The following AGAP1 variants were observed in gnomAD, a reference collection of about 807,000 sequenced individuals.
AGAP1 encodes the protein arf-GAP with GTPase, ANK repeat and PH domain-containing protein 1.
Under a neutral mutation model 105.3 loss-of-function variants are expected in AGAP1, and 29 were observed. The ratio of observed to expected loss-of-function variants is 0.28; its 90% confidence interval spans 0.21 to 0.38. The LOEUF (loss-of-function observed/expected upper bound fraction) is 0.38, where lower values mean the gene tolerates loss of function less well. Among genes scored for constraint, AGAP1 ranks in the 10% least tolerant of loss-of-function variants. The pLI, the probability that AGAP1 is intolerant of heterozygous loss-of-function variation, is 1.00. For synonymous variants in AGAP1, 509 were observed against 485.9 expected (o/e 1.05, Z -0.63); for missense variants, 998 against 1,165.1 (o/e 0.86, Z 2.09).
In AGAP1 at chr2:235,614,301, A is replaced by G. The variant is rs548776594; in HGVS notation, c.164-94878A>G. 2.6e-5 allele frequency among the ~76,000 whole-genome samples: 4 copies of G among 152,100 alleles called. No individual in the cohort carries two copies. The highest frequency in any genetic ancestry group is 1.3e-4 in the Admixed American group (2 of 15,272). ...AGGTGGCTGGTGCTGGAGCGTGTAT[A>G]ACAAAAGTGGGATCCGGAAAGGGCT... is the stretch of plus-strand genomic sequence containing the variant. On this transcript the variant is annotated intron_variant, in intron 1 of 17. Transcript: ENST00000304032. This position sits in a 1 kb window ranked among gnomAD's most constrained non-coding sequence, Gnocchi z 4.7.
chr2:235,702,114 T>C (rs916573889), intron 1 of AGAP1, among the ~76,000 whole-genome samples: 14 of 152,156 alleles, frequency 9.2e-5, no homozygotes, highest in African/African-American at 3.1e-4. Context: ...GGAATGCGTA[T>C]TTGTGGTTCC....
At position 235,553,168 on chromosome 2, in the gene AGAP1, A is replaced by G. The variant is rs1217458926; in HGVS notation, c.163+58319A>G. ...GGTTGGTGGGAGAAACAGCAGGTAT[A>G]TTTGAAAACCAAGAAGATGGTGAAC... is the stretch of plus-strand genomic sequence containing the variant. On this transcript the variant is annotated intron_variant, in intron 1 of 17. Transcript: ENST00000304032. The surrounding 1 kb of genome is among the most constrained non-coding windows in gnomAD (Gnocchi z 4.5). Among the ~76,000 whole-genome samples, 2 of 152,188 alleles carry G rather than the reference A, an allele frequency of 1.3e-5. No homozygotes were observed. Among genetic ancestry groups the G allele is most frequent in the East Asian group, 3.9e-4 (2 of 5,188 alleles).
chr2:235,688,430 C>T (rs1949573265), intron 1 of AGAP1, among the ~76,000 whole-genome samples: 1 of 152,166 alleles, frequency 6.6e-6, no homozygotes, highest in Non-Finnish European at 1.5e-5. Context: ...GTCCCCTCCA[C>T]TCACTCACCT....
chr2:235,695,018 G>T (rs988414338), intron 1 of AGAP1, among the ~76,000 whole-genome samples: 4 of 152,218 alleles, frequency 2.6e-5, no homozygotes, highest in African/African-American at 7.2e-5. Flanking sequence ...AAAAATTCTT[G>T]TGTCTATTTT....
At chr2:235,630,293 A>C (rs1423556569) in intron 1 of AGAP1, among the ~76,000 whole-genome samples, 1 of 152,032 alleles carries the variant, frequency 6.6e-6, no homozygotes, top group Non-Finnish European at 1.5e-5. Flanking sequence ...AGCTCACTGC[A>C]ACCTCTGCTT....
chr2:235,972,003 T>C (rs927630273), intron 13 of AGAP1, among the ~76,000 whole-genome samples: 2 of 152,092 alleles, frequency 1.3e-5, no homozygotes, highest in African/African-American at 4.8e-5. Flanking sequence ...GGTCTTGAAC[T>C]CCTGGGCTCA....
rs1161347228 is a variant in AGAP1, at chr2:235,777,138, C to T, written c.674-20621C>T. On this transcript the variant is annotated intron_variant, in intron 6 of 17. Transcript: ENST00000304032. The surrounding 1 kb of genome is among the most constrained non-coding windows in gnomAD (Gnocchi z 5.1). Reference sequence around the variant, plus strand: ...CTTTGAGAGGCCAAGGCGGGTGGATCACGAGGTCAGGAGATCGAGACCATC... The same window carrying T: ...CTTTGAGAGGCCAAGGCGGGTGGATTACGAGGTCAGGAGATCGAGACCATC... The T allele has an allele frequency of 2.2e-6, 1 of 453,720 alleles. No individual in the cohort carries two copies. The highest frequency in any genetic ancestry group is 1.6e-5 in the South Asian group (1 of 61,450). The allele number at this position is 453,720 out of a possible 1,614,324, so 28.1% of individuals were successfully genotyped here. A position where few individuals can be genotyped will look rare whatever the true frequency, so the allele number is the denominator to read the frequency against.
At chr2:235,884,520 G>A (rs1343014653) in intron 10 of AGAP1, among the ~76,000 whole-genome samples, 1 of 142,090 alleles carries the variant, frequency 7.0e-6, no homozygotes, top group Non-Finnish European at 1.5e-5. Context: ...GCGCGATCCT[G>A]GCTCACTGCA....
At position 235,734,875 on chromosome 2, in the gene AGAP1, G is replaced by A. The variant is rs1417242778; in HGVS notation, c.311-6088G>A. Reference sequence around the variant, plus strand: ...TGGATTGGAGTCTTGGTCCTGCCGCGTGCTGGCCGTGGAGCTCTTGCTCTG... The same window carrying A: ...TGGATTGGAGTCTTGGTCCTGCCGCATGCTGGCCGTGGAGCTCTTGCTCTG... On this transcript the variant is annotated intron_variant, in intron 3 of 17. Coordinates refer to ENST00000304032, the MANE Select transcript of AGAP1 (RefSeq NM_001037131.3). The surrounding 1 kb of genome is among the most constrained non-coding windows in gnomAD (Gnocchi z 5.3). Among the ~76,000 whole-genome samples, 5 of 152,264 alleles carry A rather than the reference G, an allele frequency of 3.3e-5. No homozygotes were observed. Among genetic ancestry groups the A allele is most frequent in the African/African-American group, 1.2e-4 (5 of 41,474 alleles).
rs758509629 is a variant in AGAP1, at chr2:235,908,213, C to CA, written c.1156-524dup. ...CATTTGCTTCCAAGGCCTAGAAAGC[C>CA]AGATACCCCTTGGACATCTTCCTGG... On this transcript the variant is annotated intron_variant, in intron 10 of 17. Transcript: ENST00000304032. The surrounding 1 kb of genome is among the most constrained non-coding windows in gnomAD (Gnocchi z 4.4). Among the ~76,000 whole-genome samples the CA allele has an allele frequency of 1.2e-4, 18 of 152,180 alleles. No individual in the cohort carries two copies. The highest frequency in any genetic ancestry group is 9.2e-4 in the Admixed American group (14 of 15,282).
chr2:235,738,814 T>C (rs559784967), intron 3 of AGAP1, among the ~76,000 whole-genome samples: 1 of 152,116 alleles, frequency 6.6e-6, no homozygotes, highest in African/African-American at 2.4e-5. Flanking sequence ...TGCCTCGGCC[T>C]CCCAAAGTGT....
rs1048405852 is a variant in AGAP1 at position 236,053,506 on chromosome 2, C to T, written c.2114+4225C>T. ...GCCCGTTGTTCTTTATTGTTGTCCC[C>T]ATTGCACTTAAAAACATTTGGGATT... On this transcript the variant is annotated intron_variant, in intron 16 of 17. Transcript: ENST00000304032. The surrounding 1 kb of genome is among the most constrained non-coding windows in gnomAD (Gnocchi z 4.6). 1.3e-5 allele frequency among the ~76,000 whole-genome samples: 2 copies of T among 152,266 alleles called. No homozygotes were observed. The highest frequency in any genetic ancestry group is 4.8e-5 in the African/African-American group (2 of 41,476).
At position 236,055,219 on chromosome 2, in the gene AGAP1, T is replaced by G. The variant is rs2058019390; in HGVS notation, c.2114+5938T>G. On this transcript the variant is annotated intron_variant, in intron 16 of 17. Coordinates refer to ENST00000304032, the MANE Select transcript of AGAP1 (RefSeq NM_001037131.3). The surrounding 1 kb of genome is among the most constrained non-coding windows in gnomAD (Gnocchi z 6.2). The stretch of plus-strand genomic sequence containing the variant: ...GGCTCGTTTGGAGTTTTAATCAGCC[T>G]GTCTTCTACTCCGGCGATCAGAGTT... 6.6e-6 allele frequency among the ~76,000 whole-genome samples: 1 copy of G among 152,220 alleles called. No individual in the cohort carries two copies. The highest frequency in any genetic ancestry group is 6.5e-5 in the Admixed American group (1 of 15,280).
At chr2:236,097,935 T>C (rs1390753823) in intron 16 of AGAP1, among the ~76,000 whole-genome samples, 1 of 152,220 alleles carries the variant, frequency 6.6e-6, no homozygotes, top group Admixed American at 6.5e-5. Flanking sequence ...TGTGCCTGAC[T>C]TACTTCACTA....
At position 235,705,191 on chromosome 2, in the gene AGAP1, C is replaced by T. The variant is rs997724354; in HGVS notation, c.164-3988C>T. On this transcript the variant is annotated intron_variant, in intron 1 of 17. Coordinates refer to ENST00000304032, the MANE Select transcript of AGAP1 (RefSeq NM_001037131.3). This position sits in a 1 kb window ranked among gnomAD's most constrained non-coding sequence, Gnocchi z 4.9. ...ACGAGGTTTCGCCATGTTGGCCAGGCTGGTCTTGAACTCCTGACCTCAGGT... is the reference window on the plus strand; with the variant it reads ...ACGAGGTTTCGCCATGTTGGCCAGGTTGGTCTTGAACTCCTGACCTCAGGT... 2.0e-5 allele frequency among the ~76,000 whole-genome samples: 3 copies of T among 151,886 alleles called. No homozygotes were observed. Among genetic ancestry groups the T allele is most frequent in the African/African-American group, 7.3e-5 (3 of 41,342 alleles).
At chr2:235,765,523 A>G (rs1367351113) in intron 6 of AGAP1, among the ~76,000 whole-genome samples, 3 of 152,194 alleles carry the variant, frequency 2.0e-5, no homozygotes, top group Admixed American at 2.0e-4. Flanking sequence ...TCATCGGCTC[A>G]CTGCCGCGTG....
rs141447041 is a variant in AGAP1, at chr2:235,620,108, G to A, written c.164-89071G>A. Among the ~76,000 whole-genome samples, 333 of 152,218 alleles carry A rather than the reference G, an allele frequency of 2.2e-3. No homozygotes were observed. The highest frequency in any genetic ancestry group is 3.9e-3 in the South Asian group (19 of 4,814). ...CTTCTTTGTCACAGCTGAAGCCCTCGCATGCTGGAGACTTGTCATTCTTCT... is the reference window on the plus strand; with the variant it reads ...CTTCTTTGTCACAGCTGAAGCCCTCACATGCTGGAGACTTGTCATTCTTCT... On this transcript the variant is annotated intron_variant, in intron 1 of 17. Coordinates refer to ENST00000304032, the MANE Select transcript of AGAP1 (RefSeq NM_001037131.3). This position sits in a 1 kb window ranked among gnomAD's most constrained non-coding sequence, Gnocchi z 4.5.
rs66689239 is a variant in AGAP1, at chr2:235,662,517, AT to A, written c.164-46643del. On this transcript the variant is annotated intron_variant, in intron 1 of 17. Coordinates refer to ENST00000304032, the MANE Select transcript of AGAP1 (RefSeq NM_001037131.3). This position sits in a 1 kb window ranked among gnomAD's most constrained non-coding sequence, Gnocchi z 4.2. ...CTGTCTGCCTTCATGGAAGTTGGTGATTTTTTTTTTTTTTTTTTTGGCTCTG... is the reference window on the plus strand; with the variant it reads ...CTGTCTGCCTTCATGGAAGTTGGTGATTTTTTTTTTTTTTTTTTGGCTCTG... Among the ~76,000 whole-genome samples, 75,500 of 124,528 alleles carry A rather than the reference AT, an allele frequency of 0.61. 21,650 individuals are homozygous for A. The highest frequency in any genetic ancestry group is 0.7 in the Admixed American group (8,427 of 12,094). The allele number at this position is 124,528 out of a possible 152,430, so 81.7% of individuals were successfully genotyped here. A position where few individuals can be genotyped will look rare whatever the true frequency, so the allele number is the denominator to read the frequency against.
chr2:235,954,017 G>A (rs552982539), intron 12 of AGAP1, among the ~76,000 whole-genome samples: 27 of 152,236 alleles, frequency 1.8e-4, no homozygotes, highest in Non-Finnish European at 3.1e-4. Context: ...ATCACCTGAG[G>A]TCAGGAGTTT....
Sources: allele counts gnomAD v4.1 joint callset (sites outside exome capture counted in the v4.1 genomes callset), GRCh38; gene constraint gnomAD v4.1.1; non-coding constraint Gnocchi (gnomAD v3.1); transcripts MANE v1.5; gene names NCBI Gene and HGNC (gene_info 2026-07-23, HGNC 2026-07-21).